DPP4: variants seen among roughly 807,000 people sequenced by gnomAD.
DPP4 encodes the protein dipeptidyl peptidase 4, also known as ADCP-2.
DPP4 carries 93 observed loss-of-function variants against 122.4 expected under a neutral mutation model. The ratio of observed to expected loss-of-function variants is 0.76; its 90% CI spans 0.64 to 0.90. The LOEUF (loss-of-function observed/expected upper bound fraction) is 0.90, where lower values mean the gene tolerates loss of function less well. Among genes scored for constraint, DPP4 ranks in the 40% least tolerant of loss-of-function variants. The pLI is 0.00. For missense variants in DPP4, 914 were observed against 907.3 expected (o/e 1.01, Z -0.09); for synonymous variants, 321 against 302.9 (o/e 1.06, Z -0.62).
intron 19 of DPP4, 149 bp from the exon 20 acceptor site, chr2:162,012,136 T>C: frequency 1.6e-6 from 1 of 632,788 alleles, no homozygotes; most frequent in Non-Finnish European, 2.6e-6. Flanking sequence ...GAATGAGTCC[T>C]CTAAAACTTA....
In DPP4 at chr2:161,992,402, T is replaced by C. The variant is rs1040017742; in HGVS notation, c.*881A>G. On this transcript the variant is annotated 3_prime_UTR_variant, in exon 26 of 26. Coordinates refer to ENST00000360534, the MANE Select transcript of DPP4 (RefSeq NM_001935.4). ...CTTTTAATTAAGACACTCAAAGAAA[T>C]GAAATAAGAAAAATTGATGCAAGGA... The C allele has an allele frequency of 6.6e-6, 1 of 152,588 alleles. No homozygotes were observed. The allele number at this position is 152,588 out of a possible 1,614,324, so 9.5% of individuals were successfully genotyped here. A position where few individuals can be genotyped will look rare whatever the true frequency, so the allele number is the denominator to read the frequency against.
chr2:162,044,964 C>CTTT (rs370441659), intron 5 of DPP4, among the ~76,000 whole-genome samples: 4,734 of 142,040 alleles, frequency 0.033, 200 homozygotes, highest in African/African-American at 0.092. Flanking sequence ...TTCTTTCTTT[C>CTTT]TTTTTTTTTT....
At chr2:162,070,562 C>T (rs1213071179) in intron 2 of DPP4, among the ~76,000 whole-genome samples, 13 of 151,630 alleles carry the variant, frequency 8.6e-5, no homozygotes, top group Non-Finnish European at 8.8e-5. Flanking sequence ...TTTCCTTTCC[C>T]TTCCCCTTCC....
chr2:162,015,735 G>C (rs1034771304), intron 18 of DPP4, among the ~76,000 whole-genome samples: 1 of 152,038 alleles, frequency 6.6e-6, no homozygotes, highest in African/African-American at 2.4e-5. Context: ...GTCTACTAAT[G>C]TGGCTTCCGT....
chr2:162,067,980 G>A (rs188267060), intron 2 of DPP4, among the ~76,000 whole-genome samples: 74 of 152,242 alleles, frequency 4.9e-4, no homozygotes, highest in Admixed American at 1.7e-3. Context: ...AAACTTTCAC[G>A]TGTAAAAAGT....
intron 10 of DPP4, among the ~76,000 whole-genome samples, chr2:162,028,858 T>C (rs1050203661): frequency 6.6e-6 from 1 of 152,204 alleles, no homozygotes; most frequent in African/African-American, 2.4e-5. Flanking sequence ...TTTAAGTAAC[T>C]TGCCCACTAT....
intron 5 of DPP4, among the ~76,000 whole-genome samples, chr2:162,044,041 A>G (rs1281945860): frequency 1.3e-5 from 2 of 152,160 alleles, no homozygotes; most frequent in African/African-American, 4.8e-5. Context: ...AAAAGAAAAA[A>G]AGATACTGAT....
chr2:162,037,232 A>G (rs779988906), intron 8 of DPP4, among the ~76,000 whole-genome samples: 2 of 152,190 alleles, frequency 1.3e-5, no homozygotes, highest in Non-Finnish European at 2.9e-5. Context: ...TGAAAGTGTT[A>G]GCTGCCCTCT....
At position 162,074,041 on chromosome 2, in the gene DPP4, G is replaced by A; in HGVS notation, c.-60C>T. ...AGGAGCGCAGGCAGAAGTCACCGCG[G>A]GCGGCGGAGACGCGCGTCCTGCACC... is the stretch of plus-strand genomic sequence containing the variant. On this transcript the variant is annotated 5_prime_UTR_variant, in exon 1 of 26. Transcript: ENST00000360534. 1 of 1,592,574 alleles carries A rather than the reference G, an allele frequency of 6.3e-7. No homozygotes were observed. Among genetic ancestry groups the A allele is most frequent in the Admixed American group, 1.8e-5 (1 of 56,882 alleles).
chr2:162,063,645 A>C (rs545205985), intron 2 of DPP4, among the ~76,000 whole-genome samples: 1 of 152,058 alleles, frequency 6.6e-6, no homozygotes, highest in East Asian at 1.9e-4. Context: ...TGCAACACAG[A>C]GATTAGGGAC....
intron 25 of DPP4, among the ~76,000 whole-genome samples, chr2:161,994,561 G>A (rs1320721276): frequency 6.6e-6 from 1 of 152,198 alleles, no homozygotes; most frequent in Non-Finnish European, 1.5e-5. Flanking sequence ...TGTTAGAATA[G>A]CTAGTAATAC....
At chr2:162,053,245 T>C (rs1395354803) in intron 2 of DPP4, among the ~76,000 whole-genome samples, 1 of 152,194 alleles carries the variant, frequency 6.6e-6, no homozygotes, top group Admixed American at 6.5e-5. Context: ...ATGCTATTCA[T>C]CAAGACAATG....
intron 15 of DPP4, 58 bp from the exon 16 acceptor site, chr2:162,018,908 A>G: frequency 1.9e-6 from 3 of 1,604,090 alleles, no homozygotes; most frequent in Non-Finnish European, 2.6e-6. Context: ...AGAGGAAGGA[A>G]CTGAATAAAG....
At chr2:162,065,460 C>T (rs1296048199) in intron 2 of DPP4, among the ~76,000 whole-genome samples, 1 of 152,202 alleles carries the variant, frequency 6.6e-6, no homozygotes, top group Non-Finnish European at 1.5e-5. Context: ...CATTAACAAA[C>T]CCAAGAACCA....
intron 2 of DPP4, among the ~76,000 whole-genome samples, chr2:162,049,587 A>G (rs1216405226): frequency 1.3e-5 from 2 of 152,160 alleles, no homozygotes; most frequent in Non-Finnish European, 2.9e-5. Flanking sequence ...ACCATGGCAC[A>G]TGTTTACCTA....
chr2:162,010,864 T>C (rs919952027), intron 20 of DPP4, among the ~76,000 whole-genome samples: 5 of 152,150 alleles, frequency 3.3e-5, no homozygotes. Context: ...CTTCTGCATT[T>C]CCTAGTCTAT....
intron 19 of DPP4, 34 bp from the exon 20 acceptor site, chr2:162,012,021 T>C (rs1430404312): frequency 1.3e-6 from 2 of 1,593,406 alleles, no homozygotes; most frequent in African/African-American, 2.7e-5. Context: ...GCTTTCATGG[T>C]TTTCTGGAAT....
chr2:162,042,927 G>A (rs1684037062), intron 5 of DPP4, among the ~76,000 whole-genome samples: 1 of 152,212 alleles, frequency 6.6e-6, no homozygotes, highest in Admixed American at 6.5e-5. Context: ...GAGCATGGCA[G>A]GGGACAATGT....
chr2:162,059,472 C>T (rs1441851466), intron 2 of DPP4, among the ~76,000 whole-genome samples: 1 of 152,164 alleles, frequency 6.6e-6, no homozygotes, highest in African/African-American at 2.4e-5. Context: ...AAACATGCAA[C>T]TATTTTAGCA....
Sources: allele counts gnomAD v4.1 joint callset (sites outside exome capture counted in the v4.1 genomes callset), GRCh38; gene constraint gnomAD v4.1.1; transcripts MANE v1.5; gene names NCBI Gene and HGNC (gene_info 2026-07-23, HGNC 2026-07-21).